LRRC4C: variants seen among roughly 807,000 people sequenced by gnomAD.
LRRC4C encodes leucine rich repeat containing 4C.
Under a neutral mutation model 33.6 loss-of-function variants are expected in LRRC4C, and 5 were observed. The observed-to-expected ratio is 0.15, with a 90% CI of 0.08 to 0.31. The LOEUF is 0.31. LRRC4C is among the 10% of genes least tolerant of loss of function. The pLI, the probability that LRRC4C is intolerant of heterozygous loss-of-function variation, is 1.00. For missense variants in LRRC4C, 560 were observed against 796.7 expected (o/e 0.70, Z 3.58); for synonymous variants, 329 against 302.0 (o/e 1.09, Z -0.93).
intron 1 of LRRC4C, among the ~76,000 whole-genome samples, chr11:41,312,995 T>C (rs1249646737): frequency 6.6e-6 from 1 of 152,206 alleles, no homozygotes; most frequent in African/African-American, 2.4e-5. Flanking sequence ...TAATACATGG[T>C]AATAAAGGCA....
intron 1 of LRRC4C, among the ~76,000 whole-genome samples, chr11:41,316,385 G>C (rs1950798554): frequency 6.6e-6 from 1 of 151,422 alleles, no homozygotes; most frequent in African/African-American, 2.4e-5. Context: ...ACAATTATGA[G>C]AGCAAGGGCA....
chr11:41,331,278 A>T (rs1339509074), intron 1 of LRRC4C, among the ~76,000 whole-genome samples: 1 of 151,996 alleles, frequency 6.6e-6, no homozygotes, highest in Admixed American at 6.6e-5. Flanking sequence ...CTTTTTACTC[A>T]CTTTAAGCTT....
intron 3 of LRRC4C, among the ~76,000 whole-genome samples, chr11:40,647,464 G>GGTAT (rs1299341902): frequency 1.3e-5 from 2 of 152,024 alleles, no homozygotes; most frequent in Non-Finnish European, 2.9e-5. Flanking sequence ...GACTCTTGAT[G>GGTAT]GTATAACAAT....
chr11:41,120,217 A>T (rs991123835), intron 1 of LRRC4C, among the ~76,000 whole-genome samples: 13 of 152,120 alleles, frequency 8.5e-5, no homozygotes, highest in Admixed American at 3.9e-4. Context: ...AAAACTCACA[A>T]ATTTTTACTA....
chr11:40,346,102 G>C (rs1278203940), intron 3 of LRRC4C, among the ~76,000 whole-genome samples: 1 of 152,182 alleles, frequency 6.6e-6, no homozygotes, highest in Non-Finnish European at 1.5e-5. Context: ...CTGTTGGTGG[G>C]AGTGTAAATT....
At chr11:40,313,700 C>T (rs1409095017) in intron 4 of LRRC4C, among the ~76,000 whole-genome samples, 1 of 142,954 alleles carries the variant, frequency 7.0e-6, no homozygotes, top group South Asian at 2.3e-4. Context: ...CTCCACCTTC[C>T]GGGTTCACGC....
rs56005918 is a variant in LRRC4C at position 41,328,435 on chromosome 11, G to A, written c.-496+130996C>T. Among the ~76,000 whole-genome samples the A allele has an allele frequency of 4.5e-3, 681 of 152,084 alleles. 6 individuals carry two copies. Among genetic ancestry groups the A allele is most frequent in the African/African-American group, 0.014 (579 of 41,468 alleles). ...TGAGTGTGTATATGTGTGTGTGTGCGTGTCTGTGTGTGTGTATGTGTACCT... is the reference window on the plus strand; with the variant it reads ...TGAGTGTGTATATGTGTGTGTGTGCATGTCTGTGTGTGTGTATGTGTACCT... On this transcript the variant is annotated intron_variant, in intron 1 of 6. Coordinates refer to ENST00000528697, the MANE Select transcript of LRRC4C (RefSeq NM_001258419.2).
At chr11:41,325,949 A>C (rs575180843) in intron 1 of LRRC4C, among the ~76,000 whole-genome samples, 1 of 152,274 alleles carries the variant, frequency 6.6e-6, no homozygotes, top group East Asian at 1.9e-4. Context: ...TAGGTACAAC[A>C]ACCCCTGTGA....
intron 2 of LRRC4C, among the ~76,000 whole-genome samples, chr11:40,858,132 C>T (rs1314137214): frequency 6.6e-6 from 1 of 152,088 alleles, no homozygotes; most frequent in Non-Finnish European, 1.5e-5. Context: ...AAATGTAGTT[C>T]CTCAGTTAAA....
intron 1 of LRRC4C, among the ~76,000 whole-genome samples, chr11:40,937,203 T>C (rs919819970): frequency 6.6e-6 from 1 of 151,976 alleles, no homozygotes; most frequent in Non-Finnish European, 1.5e-5. Flanking sequence ...CCTAAGTGAA[T>C]TAACACAGGA....
intron 1 of LRRC4C, among the ~76,000 whole-genome samples, chr11:41,229,492 C>A (rs1489361099): frequency 1.3e-5 from 2 of 152,104 alleles, no homozygotes; most frequent in Non-Finnish European, 2.9e-5. Flanking sequence ...TGCATATTCA[C>A]CTCTTCACTG....
intron 3 of LRRC4C, among the ~76,000 whole-genome samples, chr11:40,534,792 C>T (rs1956405790): frequency 6.6e-6 from 1 of 152,108 alleles, no homozygotes; most frequent in Non-Finnish European, 1.5e-5. Flanking sequence ...TTGTCCATTA[C>T]TATTTGAAAT....
At chr11:40,522,644 T>C (rs995436643) in intron 3 of LRRC4C, among the ~76,000 whole-genome samples, 1 of 152,170 alleles carries the variant, frequency 6.6e-6, no homozygotes, top group Non-Finnish European at 1.5e-5. Flanking sequence ...TCAACTGAAT[T>C]ACATTTGAAC....
At chr11:41,423,327 T>C (rs1014432998) in intron 1 of LRRC4C, among the ~76,000 whole-genome samples, 1 of 152,052 alleles carries the variant, frequency 6.6e-6, no homozygotes, top group Non-Finnish European at 1.5e-5. Context: ...GTAGCTCCTG[T>C]ACATCACGCT....
chr11:41,042,451 A>G (rs1264252239), intron 1 of LRRC4C, among the ~76,000 whole-genome samples: 2 of 152,206 alleles, frequency 1.3e-5, no homozygotes, highest in South Asian at 2.1e-4. Flanking sequence ...CTTAAAAGTC[A>G]GAACAAAAAT....
At chr11:40,970,017 T>C (rs1301097655) in intron 1 of LRRC4C, among the ~76,000 whole-genome samples, 2 of 152,106 alleles carry the variant, frequency 1.3e-5, no homozygotes, top group African/African-American at 4.8e-5. Context: ...TCTGGTATCA[T>C]AAGAACATGC....
chr11:40,594,633 TTAAGCAGTTTAGCTGAGACCACATATTCA>T (rs1959188484), intron 3 of LRRC4C, among the ~76,000 whole-genome samples: 2 of 152,160 alleles, frequency 1.3e-5, no homozygotes, highest in South Asian at 2.1e-4. Context: ...AAAATAGAGG[TTAAGCAGTTTAGCTGAGACCACATATTCA>T]GTATTTAACA....
Position 41,284,065 on chromosome 11 carries a change from C to T in LRRC4C, c.-496+175366G>A, listed in dbSNP as rs1440629015. ...AGATAAAACACTAGATAAAATTGTA[C>T]CTATACTATGAATACAACTGTTAAT... On this transcript the variant is annotated intron_variant, in intron 1 of 6. Coordinates refer to ENST00000528697, the MANE Select transcript of LRRC4C (RefSeq NM_001258419.2). Among the ~76,000 whole-genome samples, 3 of 152,096 alleles carry T rather than the reference C, an allele frequency of 2.0e-5. No homozygotes were observed. In the East Asian group the frequency reaches 5.8e-4, roughly 29 times the overall value.
chr11:40,244,200 T>A (rs1286625097), intron 4 of LRRC4C, among the ~76,000 whole-genome samples: 1 of 152,136 alleles, frequency 6.6e-6, no homozygotes, highest in Non-Finnish European at 1.5e-5. Flanking sequence ...ATGAATATGT[T>A]GGCCTCAGAA....
Sources: gnomAD v4.1 joint callset for allele counts (sites outside exome capture counted in the v4.1 genomes callset) on GRCh38, gnomAD v4.1.1 for gene constraint, MANE v1.5 for transcripts, NCBI Gene and HGNC (gene_info 2026-07-23, HGNC 2026-07-21) for gene names.